Variants in MYO18B observed in about 807,000 individuals in gnomAD.
MYO18B encodes myosin XVIIIB, also known as unconventional myosin-XVIIIb.
A neutral mutation model predicts 273.0 loss-of-function variants in MYO18B; 204 were observed. That is an observed-to-expected ratio of 0.75 (90% CI 0.67 to 0.84). The LOEUF is 0.84. Among genes scored for constraint, MYO18B ranks in the 40% least tolerant of loss-of-function variants. MYO18B has a pLI of 0.00. For missense variants in MYO18B, 3,212 were observed against 3,287.6 expected (o/e 0.98, Z 0.56); for synonymous variants, 1,330 against 1,305.7 (o/e 1.02, Z -0.40).
chr22:26,059,964 A>G, the MYO18B span, among the ~76,000 whole-genome samples: 1 of 152,252 alleles, frequency 6.6e-6, no homozygotes, highest in Non-Finnish European at 1.5e-5. Flanking sequence ...AGCTGAGGAC[A>G]GACTTTGCTA....
chr22:25,770,744 G>C, intron 5 of MYO18B, 128 bp from the exon 6 acceptor site: 1 of 671,714 alleles, frequency 1.5e-6, no homozygotes, highest in Non-Finnish European at 2.6e-6. Flanking sequence ...ATGGAGACCT[G>C]TCCCAAGCCT....
rs2089907263 is a variant in MYO18B, at chr22:25,836,572, G to A, written c.3208+1129G>A. The stretch of plus-strand genomic sequence containing the variant: ...CTGAGTTCCAGAAGTCCTTGTGCAA[G>A]GTCACCCAGAGGAGAGAAGGGTCAA... On this transcript the variant is annotated intron_variant, in intron 17 of 43. Transcript: ENST00000335473. 2.6e-5 allele frequency among the ~76,000 whole-genome samples: 4 copies of A among 152,236 alleles called. No homozygotes were observed. In the South Asian group the frequency reaches 8.3e-4, roughly 32 times the overall value.
chr22:25,808,731 T>C (rs1231764741), intron 12 of MYO18B, among the ~76,000 whole-genome samples: 2 of 152,192 alleles, frequency 1.3e-5, no homozygotes, highest in Non-Finnish European at 2.9e-5. Flanking sequence ...TCCTGCATGG[T>C]CCAGGTGACT....
At chr22:25,889,367 T>G (rs111743341) in intron 25 of MYO18B, among the ~76,000 whole-genome samples, 6 of 152,284 alleles carry the variant, frequency 3.9e-5, no homozygotes, top group African/African-American at 1.4e-4. Flanking sequence ...TCAGTCATGA[T>G]GCAGAGGGTC....
intron 39 of MYO18B, among the ~76,000 whole-genome samples, chr22:25,976,278 G>T (rs377269423): frequency 2.0e-5 from 3 of 152,104 alleles, no homozygotes; most frequent in Non-Finnish European, 4.4e-5. Flanking sequence ...AGTGTCTTTT[G>T]GTCAGAAATA....
At chr22:25,878,258 C>T (rs1245080235) in intron 25 of MYO18B, among the ~76,000 whole-genome samples, 1 of 152,162 alleles carries the variant, frequency 6.6e-6, no homozygotes, top group Non-Finnish European at 1.5e-5. Flanking sequence ...CGAGGCTGCA[C>T]AACCGGCAAG....
intron 23 of MYO18B, among the ~76,000 whole-genome samples, chr22:25,874,866 G>T (rs1342689858): frequency 6.6e-6 from 1 of 152,146 alleles, no homozygotes; most frequent in East Asian, 1.9e-4. Flanking sequence ...CGTGGCTCTG[G>T]GAACAAGTAT....
chr22:25,953,040 C>T (rs552412072), intron 38 of MYO18B, among the ~76,000 whole-genome samples: 19 of 152,318 alleles, frequency 1.2e-4, no homozygotes, highest in Admixed American at 8.5e-4. Context: ...ACTCTGGAAT[C>T]AGGAGGGCTT....
chr22:25,973,435 T>C (rs910174975), intron 39 of MYO18B, among the ~76,000 whole-genome samples: 5 of 152,176 alleles, frequency 3.3e-5, no homozygotes, highest in African/African-American at 1.2e-4. Context: ...CTGGAGTTCC[T>C]CCAGTTTTCT....
the MYO18B span, among the ~76,000 whole-genome samples, chr22:26,043,442 T>C: frequency 1.3e-5 from 2 of 152,094 alleles, no homozygotes; most frequent in African/African-American, 4.8e-5. Context: ...TCTAGATTGC[T>C]GGGTCTTAGG....
chr22:25,911,002 C>T lies in MYO18B; in HGVS notation c.5316C>T (p.Leu1772=), dbSNP rs2092146380. The T allele has an allele frequency of 6.2e-7, 1 of 1,606,136 alleles. No individual in the cohort carries two copies. The highest frequency in any genetic ancestry group is 8.5e-7 in the Non-Finnish European group (1 of 1,176,504). ...AGTATGAAGAGAAGCAGATGGTCCT[C>T]CATGAGAAGCAAGATTTGGAAGGCT... ...EQEYEEKQMV[L]HEKQDLEGLI... The change falls in exon 33 of 44, where the codon CTC becomes CTT. Residue 1772 remains leucine (L), a synonymous_variant. Transcript: ENST00000335473.
Position 25,931,671 on chromosome 22 carries a change from T to G in MYO18B, c.5517+10262T>G, listed in dbSNP as rs74501669. 3.9e-3 allele frequency among the ~76,000 whole-genome samples: 585 copies of G among 149,982 alleles called. 7 individuals are homozygous for G. The highest frequency in any genetic ancestry group is 0.013 in the African/African-American group (514 of 40,496). On this transcript the variant is annotated intron_variant, in intron 34 of 43. Coordinates refer to ENST00000335473, the MANE Select transcript of MYO18B (RefSeq NM_032608.7). Reference sequence around the variant, plus strand: ...GCTAGTATTATGCCTTTTCTTTTTTTTTCTTTTTTCTTTTTTTTTTTTTTT... The same window carrying G: ...GCTAGTATTATGCCTTTTCTTTTTTGTTCTTTTTTCTTTTTTTTTTTTTTT...
chr22:25,807,027 C>A (rs2088510461), intron 12 of MYO18B, among the ~76,000 whole-genome samples: 1 of 152,196 alleles, frequency 6.6e-6, no homozygotes, highest in Admixed American at 6.5e-5. Flanking sequence ...CTTTTCTTTG[C>A]AAAGCATTTT....
intron 6 of MYO18B, 73 bp from the exon 7 acceptor site, chr22:25,772,261 C>T (rs1018822512): frequency 4.2e-4 from 496 of 1,174,694 alleles, no homozygotes; most frequent in South Asian, 5.7e-4. Flanking sequence ...TGTTTGGTTG[C>T]GGGGGGGTGG....
In MYO18B at chr22:25,780,038, C is replaced by G; in HGVS notation, c.2069-18C>G. 1 of 1,567,876 alleles carries G rather than the reference C, an allele frequency of 6.4e-7. No homozygotes were observed. Among genetic ancestry groups the G allele is most frequent in the Non-Finnish European group, 8.6e-7 (1 of 1,158,558 alleles). ...CCTGGGCCATCAGTGACATGTGGCC[C>G]CATGCTGCCCCCAACAGTGGAGAAG... On this transcript the variant is annotated intron_variant, in intron 8 of 43. Transcript: ENST00000335473.
chr22:25,752,110 C>T (rs133866), intron 1 of MYO18B, among the ~76,000 whole-genome samples: 21,905 of 146,496 alleles, frequency 0.15, 1,789 homozygotes, highest in East Asian at 0.3. Flanking sequence ...TGCTCTGTCC[C>T]TTCTCAGGCT....
intron 30 of MYO18B, 68 bp downstream of exon 30, chr22:25,902,804 A>T: frequency 6.7e-7 from 1 of 1,501,136 alleles, no homozygotes. Context: ...TGCATCGTGC[A>T]CCTGCTGCAA....
In MYO18B at chr22:25,921,702, TTGTGTGTGTGTGTGTGTGTG is replaced by T. The variant is rs3070571; in HGVS notation, c.5517+313_5517+332del. 0.39 allele frequency among the ~76,000 whole-genome samples: 56,281 copies of T among 145,636 alleles called. 12,035 individuals carry two copies. Among genetic ancestry groups the T allele is most frequent in the East Asian group, 0.51 (2,529 of 4,928 alleles). ...AGAATGGCTGAGTGCAGTGTGCCTG[TTGTGTGTGTGTGTGTGTGTG>T]TGTGTGTGTGTGTGTGTGTATGTGT... On this transcript the variant is annotated intron_variant, in intron 34 of 43. Coordinates refer to ENST00000335473, the MANE Select transcript of MYO18B (RefSeq NM_032608.7).
intron 17 of MYO18B, among the ~76,000 whole-genome samples, chr22:25,835,985 G>A (rs531872608): frequency 6.6e-6 from 1 of 152,310 alleles, no homozygotes; most frequent in African/African-American, 2.4e-5. Context: ...AAAGTTCCCT[G>A]AGGTTGTAGT....
Sources: allele counts gnomAD v4.1 joint callset (sites outside exome capture counted in the v4.1 genomes callset), GRCh38; gene constraint gnomAD v4.1.1; transcripts MANE v1.5; gene names NCBI Gene and HGNC (gene_info 2026-07-23, HGNC 2026-07-21).